Variants in PSME4 observed in about 807,000 individuals in gnomAD.
The protein encoded by PSME4 is proteasome activator complex subunit 4.
In PSME4, 89 loss-of-function variants were observed where a neutral mutation model predicts 253.9. The ratio of observed to expected loss-of-function variants is 0.35; its 90% CI spans 0.30 to 0.42. The LOEUF (loss-of-function observed/expected upper bound fraction) is 0.42, where lower values mean the gene tolerates loss of function less well. PSME4 is among the 10% of genes least tolerant of loss of function. PSME4 has a pLI of 1.00. For missense variants in PSME4, 2,014 were observed against 2,195.2 expected (o/e 0.92, Z 1.65); for synonymous variants, 851 against 759.2 (o/e 1.12, Z -1.99).
At chr2:53,968,611 C>T (rs1290675117) in intron 1 of PSME4, among the ~76,000 whole-genome samples, 1 of 152,186 alleles carries the variant, frequency 6.6e-6, no homozygotes, top group Non-Finnish European at 1.5e-5. Flanking sequence ...TCTCATAGTG[C>T]AATATCAAGA....
intron 26 of PSME4, among the ~76,000 whole-genome samples, chr2:53,904,553 C>T (rs967728909): frequency 6.6e-6 from 1 of 152,176 alleles, no homozygotes; most frequent in South Asian, 2.1e-4. Context: ...CCAGGAGGAA[C>T]TAAAATAAAC....
rs1291927164 is a variant in PSME4 at position 53,937,524 on chromosome 2, C to T, written c.562G>A (p.Ala188Thr). The change falls in exon 5 of 47, where the codon GCC becomes ACC. Residue 188 changes from alanine (A) to threonine (T), a missense_variant. Physicochemically the swap from Ala to Thr is moderately conservative, Grantham distance 58 (BLOSUM62 0). Around this residue, in one of 4 missense-constraint regions of PSME4, gnomAD observed 615 missense variants for 594.4 expected, o/e 1.03. Transcript: ENST00000404125. Reference protein sequence around the residue: ...KSCRPYFPADATAEMLEEWRP... With the variant: ...KSCRPYFPADTTAEMLEEWRP... Reference sequence around the variant, plus strand: ...CATTCTTCTAGCATCTCAGCGGTGGCATCTGCTGGAAAATATCTAATAAAA... The same window carrying T: ...CATTCTTCTAGCATCTCAGCGGTGGTATCTGCTGGAAAATATCTAATAAAA... 1 of 1,609,802 alleles carries T rather than the reference C, an allele frequency of 6.2e-7. No individual in the cohort carries two copies. The highest frequency in any genetic ancestry group is 1.3e-5 in the African/African-American group (1 of 74,674).
Position 53,898,331 on chromosome 2 carries a change from G to C in PSME4, c.3446C>G (p.Thr1149Ser), listed in dbSNP as rs1235580660. The C allele has an allele frequency of 1.2e-6, 2 of 1,605,210 alleles. No individual in the cohort carries two copies. Among genetic ancestry groups the C allele is most frequent in the African/African-American group, 1.3e-5 (1 of 74,506 alleles). ...TCTTTGCTCCACACCATCTAGCAAG[G>C]TGTCTACCAAATTTTCATAGTTCCT... ...ALRNYENLVD[T>S]LLDGVEQRNL... is the part of the protein sequence containing the mutation. The change falls in exon 30 of 47, where the codon ACC becomes AGC. Residue 1149 changes from threonine (T) to serine (S), a missense_variant. By Grantham distance (58) the Thr-to-Ser change is moderately conservative. This residue lies in a region of PSME4 where 989 missense variants were observed against 1,021.1 expected (regional missense o/e 0.97). Transcript: ENST00000404125.
chr2:53,923,127 G>GT lies in PSME4; in HGVS notation c.1909-10dup, dbSNP rs1668397820. 1 of 1,598,560 alleles carries GT rather than the reference G, an allele frequency of 6.3e-7. No homozygotes were observed. The highest frequency in any genetic ancestry group is 1.3e-5 in the African/African-American group (1 of 74,372). On this transcript the variant is annotated splice_polypyrimidine_tract_variant and intron_variant, in intron 15 of 46. Coordinates refer to ENST00000404125, the MANE Select transcript of PSME4 (RefSeq NM_014614.3). ...GATTCTTCTGGGCAGCACTGAAAAT[G>GT]TATTTGTATAAGTAAGGCTTTTTTG...
At chr2:53,883,500 GC>G (rs1246577877) in intron 41 of PSME4, among the ~76,000 whole-genome samples, 1 of 152,150 alleles carries the variant, frequency 6.6e-6, no homozygotes, top group East Asian at 1.9e-4. Context: ...GTGGGGGGGT[GC>G]GGGGTCCATG....
At chr2:53,893,074 C>T (rs1451713176) in intron 35 of PSME4, 114 bp from the exon 36 acceptor site, 1 of 800,746 alleles carries the variant, frequency 1.2e-6, no homozygotes, top group Non-Finnish European at 1.8e-6. Flanking sequence ...AGCACACTCC[C>T]CTTTAGAACT....
At position 53,949,151 on chromosome 2, in the gene PSME4, G is replaced by C; in HGVS notation, c.375C>G (p.Asn125Lys). 2 of 1,593,536 alleles carry C rather than the reference G, an allele frequency of 1.3e-6. No individual in the cohort carries two copies. Among genetic ancestry groups the C allele is most frequent in the Non-Finnish European group, 1.7e-6 (2 of 1,170,064 alleles). Residue 125 changes from asparagine (N) to lysine (K), a missense_variant, in exon 2 of 47, where the codon AAC becomes AAG. Physicochemically the swap from Asn to Lys is moderately conservative, Grantham distance 94. Coordinates refer to ENST00000404125, the MANE Select transcript of PSME4 (RefSeq NM_014614.3). ...TCTGGAAAAAGACTTACTTTAACAA[G>C]TTGATCAAAAGGCGGGCAAATCCCT... ...MMQGFARLLI[N>K]LLKKKELLSR...
Position 53,914,071 on chromosome 2 carries a change from C to A in PSME4, c.2517-3941G>T, listed in dbSNP as rs568712356. ...GCGAAAAGTTAGTAAAAGCTGAGAT[C>A]CTAAGGATGATTTAACTAAAAATGA... On this transcript the variant is annotated intron_variant, in intron 20 of 46. Transcript: ENST00000404125. Among the ~76,000 whole-genome samples the A allele has an allele frequency of 4.6e-5, 7 of 152,176 alleles. No individual in the cohort carries two copies. In the South Asian group the frequency reaches 1.2e-3, roughly 27 times the overall value.
At chr2:53,954,017 T>G (rs532977645) in intron 1 of PSME4, among the ~76,000 whole-genome samples, 1 of 152,340 alleles carries the variant, frequency 6.6e-6, no homozygotes, top group East Asian at 1.9e-4. Context: ...TCAAATGATT[T>G]AATTTTTAAT....
intron 41 of PSME4, among the ~76,000 whole-genome samples, chr2:53,880,337 G>T (rs1392629819): frequency 2.0e-5 from 3 of 151,916 alleles, no homozygotes; most frequent in African/African-American, 7.3e-5. Context: ...GCACACGAAG[G>T]TACTTCCAGC....
At chr2:53,954,451 G>T (rs1409233000) in intron 1 of PSME4, among the ~76,000 whole-genome samples, 1 of 152,182 alleles carries the variant, frequency 6.6e-6, no homozygotes, top group African/African-American at 2.4e-5. Flanking sequence ...ACCAGCCTGG[G>T]CAACAGAGTG....
chr2:53,923,549 G>A lies in PSME4; in HGVS notation c.1810-130C>T, dbSNP rs148151849. The A allele has an allele frequency of 2.2e-3, 2,657 of 1,215,270 alleles. 43 individuals are homozygous for A. The African/African-American group carries it at 0.034, about 16-fold the overall frequency. The allele number at this position is 1,215,270 out of a possible 1,614,324, so 75.3% of individuals were successfully genotyped here. ...GCCCATAGGCAATTTTTAACCATCT[G>A]ATTTTATAAGAATTTGTTTAATGAT... On this transcript the variant is annotated intron_variant, in intron 14 of 46. Coordinates refer to ENST00000404125, the MANE Select transcript of PSME4 (RefSeq NM_014614.3).
intron 20 of PSME4, among the ~76,000 whole-genome samples, chr2:53,917,685 G>T (rs761393677): frequency 1.3e-5 from 2 of 152,156 alleles, no homozygotes; most frequent in Non-Finnish European, 2.9e-5. Flanking sequence ...AACTCAATTT[G>T]CTGATGTGCA....
At chr2:53,943,635 G>C (rs545599903) in intron 3 of PSME4, among the ~76,000 whole-genome samples, 1 of 152,202 alleles carries the variant, frequency 6.6e-6, no homozygotes, top group Non-Finnish European at 1.5e-5. Flanking sequence ...GAGGTCCAGA[G>C]TTCAAGACCA....
chr2:53,887,736 A>C, intron 39 of PSME4, 122 bp downstream of exon 39: 7 of 1,254,028 alleles, frequency 5.6e-6, no homozygotes, highest in Non-Finnish European at 7.6e-6. Flanking sequence ...ATAGCAAACA[A>C]TTTGAGAAAG....
intron 9 of PSME4, among the ~76,000 whole-genome samples, 195 bp downstream of exon 9, chr2:53,932,473 C>CA (rs1668876849): frequency 6.6e-6 from 1 of 152,132 alleles, no homozygotes; most frequent in South Asian, 2.1e-4. Flanking sequence ...ATGTTGTCAA[C>CA]AGTTACCACA....
In PSME4 at chr2:53,887,427, T is replaced by C. The variant is rs765585362; in HGVS notation, c.4561A>G (p.Asn1521Asp). Reference sequence around the variant, plus strand: ...TGAGGCGATATGGTTGGTGTGGTATTTGGCAAAGATACATCTATCATGAAT... The same window carrying C: ...TGAGGCGATATGGTTGGTGTGGTATCTGGCAAAGATACATCTATCATGAAT... ...YIFMIDVSLP[N>D]TTPTISPHVP... Residue 1521 changes from asparagine (N) to aspartate (D), a missense_variant, in exon 40 of 47, where the codon AAT (asparagine) becomes GAT (aspartate). By Grantham distance (23) the Asn-to-Asp change is conservative (BLOSUM62 1). Transcript: ENST00000404125. 6.2e-7 allele frequency: 1 copy of C among 1,613,904 alleles called. No homozygotes were observed. Among genetic ancestry groups the C allele is most frequent in the South Asian group, 1.1e-5 (1 of 91,072 alleles).
intron 20 of PSME4, among the ~76,000 whole-genome samples, chr2:53,910,406 A>G (rs1667775514): frequency 6.6e-6 from 1 of 152,222 alleles, no homozygotes; most frequent in South Asian, 2.1e-4. Context: ...CAAATGTAAA[A>G]GATTAAATAT....
intron 4 of PSME4, among the ~76,000 whole-genome samples, chr2:53,938,606 A>C (rs1050697873): frequency 2.0e-5 from 3 of 151,832 alleles, no homozygotes; most frequent in Non-Finnish European, 4.4e-5. Flanking sequence ...CACCGCACCC[A>C]GCCTTAAGAG....
Sources: allele counts gnomAD v4.1 joint callset (sites outside exome capture counted in the v4.1 genomes callset), GRCh38; gene constraint gnomAD v4.1.1; regional missense constraint gnomAD v4.1.1; transcripts MANE v1.5; gene names NCBI Gene and HGNC (gene_info 2026-07-23, HGNC 2026-07-21).